CAAP1: variants seen among roughly 807,000 people sequenced by gnomAD.
The protein encoded by CAAP1 is caspase activity and apoptosis inhibitor 1, also known as conserved anti-apoptotic protein.
CAAP1 carries 20 observed loss-of-function variants against 34.0 expected under a neutral mutation model. That is an observed-to-expected ratio of 0.59 (90% CI 0.41 to 0.86). The LOEUF (loss-of-function observed/expected upper bound fraction) is 0.86. Among genes scored for constraint, CAAP1 ranks in the 40% least tolerant of loss-of-function variants. CAAP1 has a pLI of 0.00. For missense variants in CAAP1, 538 were observed against 450.5 expected (o/e 1.19, Z -1.76); for synonymous variants, 213 against 166.7 (o/e 1.28, Z -2.14).
At chr9:26,890,914 C>A (rs1303356265) in intron 1 of CAAP1, among the ~76,000 whole-genome samples, 1 of 152,054 alleles carries the variant, frequency 6.6e-6, no homozygotes, top group East Asian at 1.9e-4. Flanking sequence ...CACTGCACTC[C>A]GGCCTGGGCA....
chr9:26,842,391 A>G lies in CAAP1; in HGVS notation c.996T>C (p.Ser332=). 6.2e-7 allele frequency: 1 copy of G among 1,614,168 alleles called. No homozygotes were observed. The highest frequency in any genetic ancestry group is 8.5e-7 in the Non-Finnish European group (1 of 1,180,024). Residue 332 remains serine, a synonymous_variant, in exon 6 of 6, where the codon TCT becomes TCC. Transcript: ENST00000333916. ...GTTCTAGCAGCTCCAGTTGCTGTGCAGAAGGTTGAACATCTTCTGGTGGAG... is the reference window on the plus strand; with the variant it reads ...GTTCTAGCAGCTCCAGTTGCTGTGCGGAAGGTTGAACATCTTCTGGTGGAG... The part of the protein sequence containing the change: ...AVPPPEDVQP[S]AQQLELLELE...
At chr9:26,878,947 C>T (rs1406519599) in intron 4 of CAAP1, among the ~76,000 whole-genome samples, 1 of 152,182 alleles carries the variant, frequency 6.6e-6, no homozygotes, top group Non-Finnish European at 1.5e-5. Flanking sequence ...TTACCTGCAA[C>T]CAACATCCAT....
rs1381950441 is a variant in CAAP1, at chr9:26,880,081, T to C, written c.665+4729A>G. The C allele has an allele frequency of 7.1e-5, 10 of 140,946 alleles. 1 individual carries two copies. The highest frequency in any genetic ancestry group is 2.7e-4 in the African/African-American group (7 of 25,634). 8.7% of individuals were successfully genotyped at this position (140,946 alleles called of 1,614,324 possible). A position where few individuals can be genotyped will look rare whatever the true frequency, so the allele number is the denominator to read the frequency against. On this transcript the variant is annotated intron_variant, in intron 4 of 5. Transcript: ENST00000333916. ...AAAATAAGCTCAAAACTACCAATAA[T>C]AGGAAAAAAATCCGGGGGGGGGGGG...
At chr9:26,849,010 G>A (rs570429519) in intron 5 of CAAP1, among the ~76,000 whole-genome samples, 5 of 152,308 alleles carry the variant, frequency 3.3e-5, no homozygotes, top group African/African-American at 1.2e-4. Context: ...AGCCTAGATG[G>A]ATTCGTTTAT....
intron 4 of CAAP1, among the ~76,000 whole-genome samples, chr9:26,881,864 T>TA (rs1823600735): frequency 6.6e-6 from 1 of 152,208 alleles, no homozygotes; most frequent in Non-Finnish European, 1.5e-5. Context: ...CAAATGCTGA[T>TA]AATGATATGG....
chr9:26,892,577 C>A lies in CAAP1; in HGVS notation c.139G>T (p.Gly47Trp), dbSNP rs1462517183. The change falls in exon 1 of 6, where the codon GGG (glycine) becomes TGG (tryptophan). Residue 47 changes from glycine (G) to tryptophan (W), a missense_variant. By Grantham distance (184) the Gly-to-Trp change is radical (BLOSUM62 -2). This residue lies in a region of CAAP1 where 514 missense variants were observed against 408.4 expected (regional missense o/e 1.26). Transcript: ENST00000333916. ...CAGCAGCTGACGCTCCCGCAGCCCC[C>A]GGCGCTCCCGCAGCCGCTAGTGCTT... ...SGSTSGCGSA[G>W]GCGSVSCCGN... is the part of the protein sequence containing the mutation. 6.3e-7 allele frequency: 1 copy of A among 1,594,902 alleles called. No individual in the cohort carries two copies. Among genetic ancestry groups the A allele is most frequent in the Non-Finnish European group, 8.5e-7 (1 of 1,171,782 alleles).
At chr9:26,863,568 T>C (rs1232943013) in intron 4 of CAAP1, among the ~76,000 whole-genome samples, 6 of 152,042 alleles carry the variant, frequency 3.9e-5, no homozygotes. Flanking sequence ...AAAAATTTTG[T>C]CCACTCTCAG....
rs151117452 is a variant in CAAP1 at position 26,887,482 on chromosome 9, T to G, written c.335A>C (p.Lys112Thr). ...ETKYILPTLE[K>T]ELFLAEHSDL... Reference sequence around the variant, plus strand: ...ACTGTGCTCTGCCAAGAATAATTCTTTTTCCAAAGTTGGCAAAATATATTT... The same window carrying G: ...ACTGTGCTCTGCCAAGAATAATTCTGTTTCCAAAGTTGGCAAAATATATTT... Residue 112 changes from lysine (K) to threonine (T), a missense_variant, in exon 2 of 6, where the codon AAA becomes ACA. Around this residue, in one of 3 missense-constraint regions of CAAP1, gnomAD observed 514 missense variants for 408.4 expected, o/e 1.26. Transcript: ENST00000333916. The G allele has an allele frequency of 6.2e-7, 1 of 1,604,182 alleles. No homozygotes were observed. Among genetic ancestry groups the G allele is most frequent in the African/African-American group, 1.3e-5 (1 of 74,426 alleles).
rs546186645 is a variant in CAAP1 at position 26,842,741 on chromosome 9, C to A, written c.740-94G>T. 6.9e-5 allele frequency: 70 copies of A among 1,017,506 alleles called. No individual in the cohort carries two copies. The African/African-American group carries it at 9.7e-4, about 14-fold the overall frequency. The allele number at this position is 1,017,506 out of a possible 1,614,324, so 63.0% of individuals were successfully genotyped here. Reference sequence around the variant, plus strand: ...TAATTTAAAAACTGCTTTGATCCCACCTCCCACTATGGAGTCCCAAACACA... The same window carrying A: ...TAATTTAAAAACTGCTTTGATCCCAACTCCCACTATGGAGTCCCAAACACA... On this transcript the variant is annotated intron_variant, in intron 5 of 5. Transcript: ENST00000333916.
intron 5 of CAAP1, among the ~76,000 whole-genome samples, chr9:26,860,769 C>T (rs754314368): frequency 2.0e-5 from 3 of 151,946 alleles, no homozygotes; most frequent in Admixed American, 6.6e-5. Context: ...CCAGCCTGGG[C>T]GACAGGGCAA....
At chr9:26,873,836 A>G (rs1684339349) in intron 4 of CAAP1, among the ~76,000 whole-genome samples, 1 of 152,174 alleles carries the variant, frequency 6.6e-6, no homozygotes, top group Non-Finnish European at 1.5e-5. Flanking sequence ...AACCCGAAAT[A>G]AAATATAAAT....
At chr9:26,861,410 T>G (rs1000040166) in intron 4 of CAAP1, among the ~76,000 whole-genome samples, 5 of 152,190 alleles carry the variant, frequency 3.3e-5, no homozygotes, top group African/African-American at 1.2e-4. Flanking sequence ...TTTTTCTCCC[T>G]TACAATACTC....
chr9:26,855,129 C>T (rs1473480153), intron 5 of CAAP1, among the ~76,000 whole-genome samples: 2 of 152,176 alleles, frequency 1.3e-5, no homozygotes, highest in Non-Finnish European at 2.9e-5. Context: ...TGCTGTACAT[C>T]CATGCAATGG....
intron 4 of CAAP1, among the ~76,000 whole-genome samples, chr9:26,871,044 T>C (rs766808958): frequency 6.6e-6 from 1 of 152,210 alleles, no homozygotes; most frequent in Non-Finnish European, 1.5e-5. Flanking sequence ...AGTTTATTAA[T>C]AGTGGTTTAA....
intron 5 of CAAP1, among the ~76,000 whole-genome samples, chr9:26,859,383 T>C (rs995254276): frequency 6.6e-6 from 1 of 152,216 alleles, no homozygotes; most frequent in African/African-American, 2.4e-5. Context: ...CAGAAAAACA[T>C]CTTCTCTTAC....
chr9:26,892,756 C>A lies in CAAP1; in HGVS notation c.-41G>T. 1 of 1,530,690 alleles carries A rather than the reference C, an allele frequency of 6.5e-7. No individual in the cohort carries two copies. Among genetic ancestry groups the A allele is most frequent in the Non-Finnish European group, 8.7e-7 (1 of 1,143,818 alleles). The allele number at this position is 1,530,690 out of a possible 1,614,324, so 94.8% of individuals were successfully genotyped here. A position where few individuals can be genotyped will look rare whatever the true frequency, so the allele number is the denominator to read the frequency against. On this transcript the variant is annotated 5_prime_UTR_variant, in exon 1 of 6. Transcript: ENST00000333916. ...ACCATCGGAGGAAAGTCCGCTGTCT[C>A]TGGTGCGACCGAAGCCCGACTCCTG...
chr9:26,880,927 T>C (rs1563891851), intron 4 of CAAP1, among the ~76,000 whole-genome samples: 1 of 152,158 alleles, frequency 6.6e-6, no homozygotes, highest in African/African-American at 2.4e-5. Flanking sequence ...CCAACCACCT[T>C]AGTCTTCCAA....
chr9:26,853,383 C>T lies in CAAP1; in HGVS notation c.739+7683G>A, dbSNP rs577565190. The stretch of plus-strand genomic sequence containing the variant: ...GATCTAGAATTTATTCAGGCACATG[C>T]TAACTTAAAATGCTTATTGGACATT... On this transcript the variant is annotated intron_variant, in intron 5 of 5. Transcript: ENST00000333916. 8.5e-5 allele frequency among the ~76,000 whole-genome samples: 13 copies of T among 152,254 alleles called. No homozygotes were observed. In the South Asian group the frequency reaches 2.5e-3, roughly 29 times the overall value.
chr9:26,851,567 G>A (rs546926562), intron 5 of CAAP1, among the ~76,000 whole-genome samples: 7 of 152,270 alleles, frequency 4.6e-5, no homozygotes, highest in African/African-American at 1.7e-4. Flanking sequence ...GTCTTGCATT[G>A]GGGCACAATA....
Sources: gnomAD v4.1 joint callset for allele counts (sites outside exome capture counted in the v4.1 genomes callset) on GRCh38, gnomAD v4.1.1 for gene constraint, gnomAD v4.1.1 regional missense constraint, MANE v1.5 for transcripts, NCBI Gene and HGNC (gene_info 2026-07-23, HGNC 2026-07-21) for gene names.